Variants in CSNK2A2IP observed in about 807,000 individuals in gnomAD.
CSNK2A2IP encodes casein kinase 2 subunit alpha' interacting protein, also known as casein kinase II subunit alpha'-interacting protein.
the CSNK2A2IP span, among the ~76,000 whole-genome samples, chr3:88,456,958 C>T: frequency 6.6e-6 from 1 of 151,822 alleles, no homozygotes; most frequent in African/African-American, 2.4e-5. Context: ...TTTTTGCATT[C>T]CAACCCTTCA....
the CSNK2A2IP span, among the ~76,000 whole-genome samples, chr3:88,429,688 C>G: frequency 6.6e-6 from 1 of 152,188 alleles, no homozygotes; most frequent in Middle Eastern, 3.4e-3. Context: ...CCCTTCAGAC[C>G]TTGGTATTCT....
At chr3:88,382,116 C>T in the CSNK2A2IP span, among the ~76,000 whole-genome samples, 3 of 152,170 alleles carry the variant, frequency 2.0e-5, no homozygotes, top group Non-Finnish European at 2.9e-5. Flanking sequence ...TTCTCTATAT[C>T]CTTTTCAATC....
the CSNK2A2IP span, among the ~76,000 whole-genome samples, chr3:88,447,366 A>G: frequency 6.6e-6 from 1 of 152,066 alleles, no homozygotes; most frequent in Non-Finnish European, 1.5e-5. Context: ...ACTGATGGGA[A>G]TATTTGGTTG....
the CSNK2A2IP span, among the ~76,000 whole-genome samples, chr3:88,367,107 A>C: frequency 1.3e-5 from 2 of 152,158 alleles, no homozygotes; most frequent in East Asian, 3.9e-4. Context: ...GGACACAGCC[A>C]AACCATATCA....
At chr3:88,439,423 G>T in the CSNK2A2IP span, among the ~76,000 whole-genome samples, 1 of 151,826 alleles carries the variant, frequency 6.6e-6, no homozygotes, top group East Asian at 1.9e-4. Context: ...GGATTGGTTT[G>T]GTTTCAGTTT....
chr3:88,374,675 A>C, the CSNK2A2IP span, among the ~76,000 whole-genome samples: 1 of 151,806 alleles, frequency 6.6e-6, no homozygotes, highest in Admixed American at 6.6e-5. Context: ...GCTACAGCCA[A>C]ACTACCCAAT....
the CSNK2A2IP span, chr3:88,467,185 C>G: frequency 2.5e-5 from 10 of 399,990 alleles, no homozygotes; most frequent in South Asian, 1.1e-3. Context: ...ACAATCCCTG[C>G]TCCCATCCAC....
the CSNK2A2IP span, among the ~76,000 whole-genome samples, chr3:88,380,194 A>C: frequency 3.9e-5 from 6 of 152,062 alleles, no homozygotes; most frequent in African/African-American, 9.7e-5. Context: ...AGGCTAAAAA[A>C]CTATTTAAAA....
chr3:88,465,215 T>C, the CSNK2A2IP span: 1 of 444,286 alleles, frequency 2.3e-6, no homozygotes, highest in East Asian at 3.5e-5. Flanking sequence ...TATTTGAGAA[T>C]TAACAGAAAT....
the CSNK2A2IP span, among the ~76,000 whole-genome samples, chr3:88,348,842 T>C: frequency 1.3e-5 from 2 of 152,182 alleles, no homozygotes; most frequent in African/African-American, 4.8e-5. Context: ...CATCTCAATG[T>C]TTCTATTGCT....
chr3:88,449,817 C>T, the CSNK2A2IP span, among the ~76,000 whole-genome samples: 2 of 54,966 alleles, frequency 3.6e-5, no homozygotes, highest in South Asian at 8.3e-4. Context: ...TTTTTTATAT[C>T]GAGACACACA....
At chr3:88,417,340 C>T in the CSNK2A2IP span, among the ~76,000 whole-genome samples, 3 of 152,168 alleles carry the variant, frequency 2.0e-5, no homozygotes, top group South Asian at 2.1e-4. Flanking sequence ...AACAGAAGGT[C>T]GCCTGGGAGC....
At chr3:88,345,143 C>T in the CSNK2A2IP span, among the ~76,000 whole-genome samples, 39 of 152,118 alleles carry the variant, frequency 2.6e-4, no homozygotes, top group South Asian at 6.6e-3. Context: ...AACTGCCACC[C>T]TGATCTCTCC....
the CSNK2A2IP span, among the ~76,000 whole-genome samples, chr3:88,389,484 AG>A: frequency 1.3e-5 from 2 of 152,204 alleles, no homozygotes; most frequent in Non-Finnish European, 2.9e-5. Context: ...CAGCTCATGG[AG>A]GGACTTATAG....
chr3:88,457,572 C>T, the CSNK2A2IP span, among the ~76,000 whole-genome samples: 2 of 151,868 alleles, frequency 1.3e-5, no homozygotes, highest in Non-Finnish European at 2.9e-5. Flanking sequence ...TGGCAGTCTC[C>T]TGTGATCCCA....
At chr3:88,355,218 GAAGTA>G in the CSNK2A2IP span, among the ~76,000 whole-genome samples, 1 of 152,172 alleles carries the variant, frequency 6.6e-6, no homozygotes, top group Non-Finnish European at 1.5e-5. Context: ...TGGTGGTGCA[GAAGTA>G]GAGTAGATTG....
the CSNK2A2IP span, among the ~76,000 whole-genome samples, chr3:88,432,424 C>T: frequency 1.3e-5 from 2 of 151,602 alleles, no homozygotes; most frequent in South Asian, 2.1e-4. Flanking sequence ...ATCTAATGTA[C>T]AACATGAAGA....
At chr3:88,463,473 G>A in the CSNK2A2IP span, among the ~76,000 whole-genome samples, 1,606 of 152,076 alleles carry the variant, frequency 0.011, 31 homozygotes, top group African/African-American at 0.036. Flanking sequence ...CGTAAACATC[G>A]CCCACTTTTT....
the CSNK2A2IP span, among the ~76,000 whole-genome samples, chr3:88,344,354 G>A: frequency 0.44 from 66,362 of 151,466 alleles, 15,757 homozygotes; most frequent in South Asian, 0.62. Context: ...TCCTCCATAT[G>A]TTGTTTTAAA....
Sources: gnomAD v4.1 joint callset for allele counts (sites outside exome capture counted in the v4.1 genomes callset) on GRCh38, gnomAD v4.1.1 for gene constraint, MANE v1.5 for transcripts, NCBI Gene and HGNC (gene_info 2026-07-23, HGNC 2026-07-21) for gene names.